VPS53: variants seen among roughly 807,000 people sequenced by gnomAD.
VPS53 encodes the protein vacuolar protein sorting-associated protein 53 homolog.
Under a neutral mutation model 107.0 loss-of-function variants are expected in VPS53, and 70 were observed. The ratio of observed to expected loss-of-function variants is 0.65; its 90% CI spans 0.54 to 0.80. The LOEUF (loss-of-function observed/expected upper bound fraction) is 0.80. VPS53 is among the 30% of genes least tolerant of loss of function. The pLI, the probability that VPS53 is intolerant of heterozygous loss-of-function variation, is 0.00. For synonymous variants in VPS53, 409 were observed against 393.3 expected, an observed-to-expected ratio of 1.04 and a Z score of -0.47; for missense variants, 917 against 1,049.4, an observed-to-expected ratio of 0.87 and a Z score of 1.74.
intron 2 of VPS53, among the ~76,000 whole-genome samples, chr17:701,233 G>C (rs1175924557): frequency 6.6e-6 from 1 of 152,038 alleles, no homozygotes; most frequent in Admixed American, 6.6e-5. Context: ...GGCTGAGGTG[G>C]GAGGATCACC....
chr17:625,535 G>T (rs1969666663), intron 10 of VPS53, among the ~76,000 whole-genome samples: 1 of 150,842 alleles, frequency 6.6e-6, no homozygotes, highest in African/African-American at 2.4e-5. Context: ...ACACTACCAT[G>T]AACTATGGAC....
intron 2 of VPS53, among the ~76,000 whole-genome samples, chr17:706,698 G>C (rs1035391838): frequency 6.6e-6 from 1 of 152,128 alleles, no homozygotes; most frequent in African/African-American, 2.4e-5. Context: ...ATAAAGCTAG[G>C]TAGAGTGGGT....
chr17:624,202 T>C (rs943476091), intron 10 of VPS53, among the ~76,000 whole-genome samples: 13 of 152,242 alleles, frequency 8.5e-5, no homozygotes, highest in Admixed American at 5.9e-4. Context: ...AGTTTAATAA[T>C]TGGATAATAA....
intron 12 of VPS53, among the ~76,000 whole-genome samples, chr17:596,883 A>C (rs995464454): frequency 3.9e-5 from 6 of 152,158 alleles, no homozygotes; most frequent in African/African-American, 1.4e-4. Flanking sequence ...TTCCTCCTGG[A>C]GTTTGGTGGA....
intron 2 of VPS53, among the ~76,000 whole-genome samples, chr17:709,287 T>C (rs1973546196): frequency 6.6e-6 from 1 of 152,128 alleles, no homozygotes; most frequent in Admixed American, 6.6e-5. Flanking sequence ...CTAGTGTATT[T>C]GTTGGTTTAT....
chr17:548,772 T>C (rs1415595835), intron 17 of VPS53, among the ~76,000 whole-genome samples: 3 of 152,256 alleles, frequency 2.0e-5, no homozygotes, highest in African/African-American at 7.2e-5. Flanking sequence ...CCTGGGATGT[T>C]GAATGAGATT....
At chr17:660,038 T>C (rs931171824) in intron 5 of VPS53, among the ~76,000 whole-genome samples, 1 of 152,156 alleles carries the variant, frequency 6.6e-6, no homozygotes, top group Non-Finnish European at 1.5e-5. Context: ...TCAACTGACT[T>C]ACACGAGACC....
chr17:613,555 G>T (rs1180622479), intron 11 of VPS53, among the ~76,000 whole-genome samples: 1 of 142,246 alleles, frequency 7.0e-6, no homozygotes, highest in Non-Finnish European at 1.5e-5. Flanking sequence ...AACCTGTACA[G>T]ATATTCACAG....
chr17:651,839 T>C (rs1223686259), intron 7 of VPS53, among the ~76,000 whole-genome samples: 3 of 152,150 alleles, frequency 2.0e-5, no homozygotes, highest in Non-Finnish European at 4.4e-5. Flanking sequence ...CATCAACTCC[T>C]CCTCGTCCTC....
At chr17:700,301 G>A (rs937959543) in intron 2 of VPS53, among the ~76,000 whole-genome samples, 9 of 152,258 alleles carry the variant, frequency 5.9e-5, no homozygotes, top group Non-Finnish European at 1.2e-4. Context: ...CCAGCACTTT[G>A]GGAGGCCAAG....
chr17:556,378 C>G (rs186247110), intron 15 of VPS53, among the ~76,000 whole-genome samples: 1 of 152,204 alleles, frequency 6.6e-6, no homozygotes, highest in African/African-American at 2.4e-5. Context: ...ACAAATATTT[C>G]ATATCAATGT....
At chr17:570,593 C>G (rs1183344382) in intron 13 of VPS53, among the ~76,000 whole-genome samples, 1 of 152,088 alleles carries the variant, frequency 6.6e-6, no homozygotes, top group Non-Finnish European at 1.5e-5. Flanking sequence ...AAGAAAGACT[C>G]AATTAGTCTT....
At chr17:600,091 C>A (rs534887104) in intron 12 of VPS53, 6 of 152,338 alleles carry the variant, frequency 3.9e-5, no homozygotes, top group Admixed American at 3.9e-4. Context: ...ACAGTAACTT[C>A]AAGCTTTCAT....
chr17:656,287 G>A (rs1433201163), intron 5 of VPS53, among the ~76,000 whole-genome samples: 4 of 152,142 alleles, frequency 2.6e-5, no homozygotes, highest in Admixed American at 6.5e-5. Flanking sequence ...CCTTGAACAA[G>A]GTGAGGAAAG....
intron 11 of VPS53, among the ~76,000 whole-genome samples, chr17:605,574 T>C (rs1168554466): frequency 8.3e-6 from 1 of 120,108 alleles, no homozygotes; most frequent in Non-Finnish European, 1.7e-5. Context: ...TCCCATCATA[T>C]TGGTGAGTCA....
At chr17:691,897 T>G (rs1388366824) in intron 4 of VPS53, among the ~76,000 whole-genome samples, 1 of 152,214 alleles carries the variant, frequency 6.6e-6, no homozygotes, top group Non-Finnish European at 1.5e-5. Flanking sequence ...CAGGTATGTA[T>G]ACATAGGAAA....
intron 11 of VPS53, among the ~76,000 whole-genome samples, chr17:618,825 G>T (rs62056499): frequency 1.3e-5 from 2 of 150,336 alleles, no homozygotes; most frequent in African/African-American, 4.9e-5. Context: ...CTGGGTAGCA[G>T]GGACTACACG....
chr17:542,113 T>C (rs1310014751), intron 17 of VPS53, among the ~76,000 whole-genome samples: 1 of 152,222 alleles, frequency 6.6e-6, no homozygotes. Context: ...CACTGGGCGC[T>C]GAAGGAACGT....
chr17:573,179 C>T (rs570688508), intron 13 of VPS53, among the ~76,000 whole-genome samples: 1 of 152,308 alleles, frequency 6.6e-6, no homozygotes, highest in South Asian at 2.1e-4. Context: ...AGTAACTTCC[C>T]TGATGGAGAA....
Sources: gnomAD v4.1 joint callset for allele counts (sites outside exome capture counted in the v4.1 genomes callset) on GRCh38, gnomAD v4.1.1 for gene constraint, MANE v1.5 for transcripts, NCBI Gene and HGNC (gene_info 2026-07-23, HGNC 2026-07-21) for gene names.